The following HNRNPL variants were observed in gnomAD, a reference collection of about 807,000 sequenced individuals.
HNRNPL encodes the protein epididymis secretory sperm binding protein.
In HNRNPL, 12 loss-of-function variants were observed where a neutral mutation model predicts 64.0. The ratio of observed to expected loss-of-function variants is 0.19; its 90% CI spans 0.12 to 0.30. The LOEUF (loss-of-function observed/expected upper bound fraction) is 0.30. HNRNPL is among the 10% of genes least tolerant of loss of function. The pLI is 1.00. For missense variants in HNRNPL, 484 were observed against 797.4 expected, an observed-to-expected ratio of 0.61 and a Z score of 4.73; for synonymous variants, 385 against 313.0, an observed-to-expected ratio of 1.23 and a Z score of -2.43.
At position 38,849,921 on chromosome 19, in the gene HNRNPL, G is replaced by A. The variant is rs79124306; in HGVS notation, c.46C>T (p.Leu16=). The change falls in exon 1 of 13, where the codon CTG becomes TTG. Residue 16 remains leucine, a synonymous_variant. Transcript: ENST00000221419. ...LPRAEKRRRR[L]EQRQQPDEQR... is the part of the protein sequence containing the mutation. ...TCGTCCGGCTGCTGCCTCTGCTCCA[G>A]CCGCCGACGCCGCTTCTCCGCCCGG... The A allele has an allele frequency of 9.3e-3, 12,234 of 1,318,116 alleles. 714 individuals are homozygous for A. In the African/African-American group the frequency reaches 0.15, roughly 16 times the overall value. 81.7% of individuals were successfully genotyped at this position (1,318,116 alleles called of 1,614,324 possible).
chr19:38,841,665 C>G, intron 6 of HNRNPL: 1 of 1,281,836 alleles, frequency 7.8e-7, no homozygotes, highest in Non-Finnish European at 1.0e-6. Flanking sequence ...GGCGTCCCAT[C>G]AAACATACAC....
chr19:38,841,460 T>A (rs1972116248), intron 6 of HNRNPL: 1 of 407,084 alleles, frequency 2.5e-6, no homozygotes, highest in Non-Finnish European at 4.9e-6. Flanking sequence ...TCTGGCTGAC[T>A]CCAAAACCCA....
chr19:38,845,404 C>A, intron 4 of HNRNPL: 1 of 493,952 alleles, frequency 2.0e-6, no homozygotes, highest in Admixed American at 3.7e-5. Flanking sequence ...AGAAAGAAAA[C>A]AAAAAGAAAA....
At chr19:38,849,397 C>G (rs1184917704) in intron 1 of HNRNPL, 3 of 341,278 alleles carry the variant, frequency 8.8e-6, no homozygotes, top group Non-Finnish European at 1.1e-5. Flanking sequence ...GGGAAAAAAA[C>G]CGGCCGGGCC....
intron 12 of HNRNPL, chr19:38,837,079 C>T: frequency 1.8e-6 from 1 of 547,844 alleles, no homozygotes; most frequent in South Asian, 2.4e-5. Context: ...TGCCTCTTTC[C>T]TAGGTAACAG....
intron 5 of HNRNPL, 28 bp downstream of exon 5, chr19:38,843,980 G>A (rs373027792): frequency 2.0e-5 from 32 of 1,606,812 alleles, no homozygotes; most frequent in Non-Finnish European, 2.3e-5. Context: ...AAGCTGACAA[G>A]GGGCAGTCAG....
intron 10 of HNRNPL, 63 bp downstream of exon 10, chr19:38,838,334 G>C (rs372838611): frequency 7.3e-7 from 1 of 1,373,512 alleles, no homozygotes; most frequent in African/African-American, 1.4e-5. Context: ...AGACTGAAAT[G>C]AATGGCCTAC....
In HNRNPL at chr19:38,849,805, G is replaced by T; in HGVS notation, c.162C>A (p.Gly54=). Reference sequence around the variant, plus strand: ...TCTTGAGCCGCTTAGGGGCCCGGCCGCCCTCACTGCCGCCGCCGTAGTAGC... The same window carrying T: ...TCTTGAGCCGCTTAGGGGCCCGGCCTCCCTCACTGCCGCCGCCGTAGTAGC... ...GGRYYGGGSE[G]GRAPKRLKTD... The change falls in exon 1 of 13, where the codon GGC becomes GGA. Residue 54 remains glycine, a synonymous_variant. Coordinates refer to ENST00000221419, the MANE Select transcript of HNRNPL (RefSeq NM_001533.3). 7.6e-7 allele frequency: 1 copy of T among 1,319,164 alleles called. No homozygotes were observed. The highest frequency in any genetic ancestry group is 1.0e-6 in the Non-Finnish European group (1 of 969,210). 81.7% of individuals were successfully genotyped at this position (1,319,164 alleles called of 1,614,324 possible). A position where few individuals can be genotyped will look rare whatever the true frequency, so the allele number is the denominator to read the frequency against.
chr19:38,850,618 G>A (rs976303991), upstream of HNRNPL, among the ~76,000 whole-genome samples: 1 of 152,216 alleles, frequency 6.6e-6, no homozygotes, highest in Non-Finnish European at 1.5e-5. Context: ...GCGCAAATAC[G>A]CTTTCAGGCA....
intron 7 of HNRNPL, 22 bp downstream of exon 7, chr19:38,840,466 G>A: frequency 1.9e-6 from 3 of 1,579,656 alleles, no homozygotes; most frequent in Middle Eastern, 1.8e-4. Context: ...GGAGTCCACG[G>A]AGGGGAACCC....
At position 38,843,830 on chromosome 19, in the gene HNRNPL, C is replaced by A. The variant is rs772211840; in HGVS notation, c.880+12G>T. 6 of 1,609,328 alleles carry A rather than the reference C, an allele frequency of 3.7e-6. No homozygotes were observed. Among genetic ancestry groups the A allele is most frequent in the Non-Finnish European group, 5.1e-6 (6 of 1,175,650 alleles). The stretch of plus-strand genomic sequence containing the variant: ...GCGGGTATGTTTAGAACAAAGTGGT[C>A]GTCAAGATTACCTTGTCCACTGAGA... On this transcript the variant is annotated intron_variant, in intron 6 of 12. Coordinates refer to ENST00000221419, the MANE Select transcript of HNRNPL (RefSeq NM_001533.3).
intron 2 of HNRNPL, among the ~76,000 whole-genome samples, chr19:38,846,503 T>C (rs549356326): frequency 4.6e-5 from 7 of 152,212 alleles, no homozygotes; most frequent in African/African-American, 1.2e-4. Flanking sequence ...GGAGCAGTAG[T>C]AGCTCATGCC....
At chr19:38,839,988 G>C in intron 8 of HNRNPL, 108 bp downstream of exon 8, 1 of 1,013,342 alleles carries the variant, frequency 9.9e-7, no homozygotes, top group Non-Finnish European at 1.5e-6. Flanking sequence ...TCACTCATTG[G>C]CGTCTGCCCG....
At position 38,843,984 on chromosome 19, in the gene HNRNPL, C is replaced by T. The variant is rs775352906; in HGVS notation, c.807+24G>A. ...AGCTCACCTGGAAGCTGACAAGGGG[C>T]AGTCAGTCACCTCCCAGATGTACCT... On this transcript the variant is annotated intron_variant, in intron 5 of 12. Transcript: ENST00000221419. The T allele has an allele frequency of 7.5e-6, 12 of 1,607,146 alleles. No individual in the cohort carries two copies. The Admixed American group carries it at 1.7e-4, about 22-fold the overall frequency.
chr19:38,842,151 A>T (rs1173693347), intron 6 of HNRNPL: 1 of 128,748 alleles, frequency 7.8e-6, no homozygotes, highest in Non-Finnish European at 1.6e-5. Flanking sequence ...GGTGCAGATT[A>T]TGTTGGCAGC....
chr19:38,850,430 G>C (rs1972472149), upstream of HNRNPL: 1 of 159,568 alleles, frequency 6.3e-6, no homozygotes, highest in South Asian at 1.7e-4. Flanking sequence ...CTCTCCAGTG[G>C]TGGTTACAGA....
intron 1 of HNRNPL, 194 bp downstream of exon 1, chr19:38,849,505 AC>A (rs1194659379): frequency 1.4e-6 from 1 of 706,098 alleles, no homozygotes; most frequent in Non-Finnish European, 2.0e-6. Flanking sequence ...CCCGCTCCGG[AC>A]CCCGCGCACG....
chr19:38,838,496 G>A lies in HNRNPL; in HGVS notation c.1458C>T (p.Ser486=), dbSNP rs200672695. 7.0e-4 allele frequency: 1,137 copies of A among 1,614,080 alleles called. 17 individuals are homozygous for A. In the South Asian group the frequency reaches 0.012, roughly 17 times the overall value. The change falls in exon 10 of 13, where the codon TCC becomes TCT. Residue 486 remains serine (S), a synonymous_variant. Coordinates refer to ENST00000221419, the MANE Select transcript of HNRNPL (RefSeq NM_001533.3). ...DFSESRNNRF[S]TPEQAAKNRI... is the part of the protein sequence containing the mutation. The stretch of plus-strand genomic sequence containing the variant: ...GGTTCTTGGCTGCCTGCTCTGGGGT[G>A]GAGAACCGATTGTTCCGGGATTCAC...
intron 1 of HNRNPL, 129 bp from the exon 2 acceptor site, chr19:38,847,563 G>C: frequency 2.1e-6 from 1 of 481,020 alleles, no homozygotes; most frequent in Non-Finnish European, 3.7e-6. Context: ...GCACAGGAAA[G>C]ACTAGGGGCA....
Sources: allele counts gnomAD v4.1 joint callset (sites outside exome capture counted in the v4.1 genomes callset), GRCh38; gene constraint gnomAD v4.1.1; transcripts MANE v1.5; gene names NCBI Gene and HGNC (gene_info 2026-07-23, HGNC 2026-07-21).